SPAG16: variants seen among roughly 807,000 people sequenced by gnomAD.
SPAG16 encodes the protein sperm-associated antigen 16 protein.
In SPAG16, 86 loss-of-function variants were observed where a neutral mutation model predicts 80.4. The observed-to-expected ratio is 1.07, with a 90% CI of 0.90 to 1.28. SPAG16 has a LOEUF of 1.28. Ranked by LOEUF, SPAG16 falls within the 50% of genes most tolerant of loss-of-function variation. The probability of loss-of-function intolerance (pLI) is 0.00; values close to 1 mark genes in which losing one functional copy is unlikely to be tolerated. For synonymous variants in SPAG16, 294 were observed against 265.9 expected (o/e 1.11, Z -1.03); for missense variants, 870 against 765.3 (o/e 1.14, Z -1.61).
At chr2:214,163,791 T>A (rs2056547640) in intron 15 of SPAG16, among the ~76,000 whole-genome samples, 1 of 151,910 alleles carries the variant, frequency 6.6e-6, no homozygotes, top group Non-Finnish European at 1.5e-5. Context: ...CCACAGGTAG[T>A]ATAGAAGCAG....
chr2:213,752,442 C>T (rs1453891745), intron 10 of SPAG16, among the ~76,000 whole-genome samples: 2 of 152,132 alleles, frequency 1.3e-5, no homozygotes. Flanking sequence ...TGTGTTTCTT[C>T]TGTAGTTATA....
At chr2:213,671,155 C>A (rs2063798825) in intron 10 of SPAG16, among the ~76,000 whole-genome samples, 1 of 152,042 alleles carries the variant, frequency 6.6e-6, no homozygotes, top group African/African-American at 2.4e-5. Flanking sequence ...TTTTAACATA[C>A]TAGAAAAATA....
At chr2:213,886,287 C>T (rs924048164) in intron 11 of SPAG16, among the ~76,000 whole-genome samples, 5 of 152,040 alleles carry the variant, frequency 3.3e-5, no homozygotes, top group African/African-American at 9.7e-5. Context: ...TGAGAAAAGA[C>T]GTTCTGGTTT....
intron 10 of SPAG16, among the ~76,000 whole-genome samples, chr2:213,748,206 T>C (rs1173036120): frequency 6.6e-6 from 1 of 152,170 alleles, no homozygotes; most frequent in African/African-American, 2.4e-5. Context: ...AAAATAGAGT[T>C]GTTTTCCTCA....
chr2:213,630,581 CA>C (rs1008964831), intron 10 of SPAG16, among the ~76,000 whole-genome samples: 1 of 151,980 alleles, frequency 6.6e-6, no homozygotes, highest in Non-Finnish European at 1.5e-5. Context: ...TTAAGAGTAG[CA>C]AAATGATGAA....
chr2:214,141,247 T>C (rs2055341843), intron 14 of SPAG16, among the ~76,000 whole-genome samples: 1 of 152,070 alleles, frequency 6.6e-6, no homozygotes, highest in Admixed American at 6.6e-5. Flanking sequence ...GGTAGGTGGA[T>C]CACAAGGCCA....
At chr2:214,240,877 C>A (rs962356721) in intron 15 of SPAG16, 4 of 151,980 alleles carry the variant, frequency 2.6e-5, no homozygotes, top group African/African-American at 9.7e-5. Flanking sequence ...ATGAAAAATA[C>A]ATATCTTGAT....
At chr2:213,896,872 A>T (rs898941487) in intron 11 of SPAG16, among the ~76,000 whole-genome samples, 1 of 152,008 alleles carries the variant, frequency 6.6e-6, no homozygotes, top group African/African-American at 2.4e-5. Context: ...AGTGAATCTC[A>T]TAATTAAAGG....
At chr2:214,095,906 T>C (rs10198923) in intron 13 of SPAG16, among the ~76,000 whole-genome samples, 14,222 of 151,932 alleles carry the variant, frequency 0.094, 832 homozygotes, top group East Asian at 0.28. Context: ...TGACTGTTTC[T>C]ATGGGGGAAA....
At chr2:213,872,968 G>A (rs923708716) in intron 11 of SPAG16, among the ~76,000 whole-genome samples, 1 of 93,066 alleles carries the variant, frequency 1.1e-5, no homozygotes, top group African/African-American at 2.8e-5. Flanking sequence ...ATATGTTGCT[G>A]GATTTGGTGT....
intron 9 of SPAG16, among the ~76,000 whole-genome samples, chr2:213,438,775 A>G (rs1015059459): frequency 6.6e-6 from 1 of 152,242 alleles, no homozygotes; most frequent in African/African-American, 2.4e-5. Flanking sequence ...GAGTTAATGA[A>G]AAGAGGCTAT....
chr2:214,123,876 A>G (rs1235738600), intron 14 of SPAG16, among the ~76,000 whole-genome samples: 2 of 152,072 alleles, frequency 1.3e-5, no homozygotes, highest in Non-Finnish European at 2.9e-5. Context: ...TGAACTAGGA[A>G]TAGATTAAAC....
Position 213,680,434 on chromosome 2 carries a change from TA to T in SPAG16, c.1071-182037del, listed in dbSNP as rs35027044. ...AGGAACAAATACCTTCTCTAGTAGT[TA>T]AAAAAAAAAAAAAGATGTTTTATTA... On this transcript the variant is annotated intron_variant, in intron 10 of 15. Transcript: ENST00000331683. 3.4e-3 allele frequency among the ~76,000 whole-genome samples: 485 copies of T among 144,416 alleles called. 2 individuals are homozygous for T. The highest frequency in any genetic ancestry group is 0.011 in the Admixed American group (157 of 14,430). 94.7% of individuals were successfully genotyped at this position (144,416 alleles called of 152,430 possible).
chr2:214,371,163 G>A (rs1485203734), intron 15 of SPAG16, among the ~76,000 whole-genome samples: 2 of 152,168 alleles, frequency 1.3e-5, no homozygotes, highest in East Asian at 3.8e-4. Context: ...ATTCTTCAGT[G>A]AGGTTGCTCT....
At chr2:214,406,261 T>C (rs951414899) in intron 15 of SPAG16, among the ~76,000 whole-genome samples, 6 of 152,220 alleles carry the variant, frequency 3.9e-5, no homozygotes, top group African/African-American at 1.4e-4. Flanking sequence ...CACGTGTTTC[T>C]AAAATTAATT....
intron 10 of SPAG16, among the ~76,000 whole-genome samples, chr2:213,672,859 GTT>G (rs750046794): frequency 0.047 from 5,805 of 124,200 alleles, 231 homozygotes; most frequent in African/African-American, 0.16. Context: ...TATTTTGTTT[GTT>G]TTTTTTTTTT....
At chr2:213,370,175 C>G (rs1044101270) in intron 8 of SPAG16, among the ~76,000 whole-genome samples, 8 of 152,158 alleles carry the variant, frequency 5.3e-5, no homozygotes, top group African/African-American at 1.9e-4. Context: ...CACAACAATA[C>G]AAGCAATCTC....
chr2:213,395,831 G>T (rs939703781), intron 9 of SPAG16, among the ~76,000 whole-genome samples: 2 of 152,082 alleles, frequency 1.3e-5, no homozygotes, highest in Non-Finnish European at 2.9e-5. Flanking sequence ...CTTCAATTTT[G>T]CTTTACAATT....
chr2:213,902,364 T>A (rs1410933819), intron 11 of SPAG16, among the ~76,000 whole-genome samples: 1 of 152,158 alleles, frequency 6.6e-6, no homozygotes, highest in Non-Finnish European at 1.5e-5. Context: ...GAGGTTTAAT[T>A]GGACTTACAG....
Sources: allele counts gnomAD v4.1 joint callset (sites outside exome capture counted in the v4.1 genomes callset), GRCh38; gene constraint gnomAD v4.1.1; transcripts MANE v1.5; gene names NCBI Gene and HGNC (gene_info 2026-07-23, HGNC 2026-07-21).